The following GPR89A variants were observed in gnomAD, a reference collection of about 807,000 sequenced individuals.
GPR89A encodes the protein golgi pH regulator A.
A neutral mutation model predicts 52.0 loss-of-function variants in GPR89A; 16 were observed. The ratio of observed to expected loss-of-function variants is 0.31; its 90% confidence interval spans 0.21 to 0.47. The LOEUF (loss-of-function observed/expected upper bound fraction) is 0.47. GPR89A is among the 20% of genes least tolerant of loss of function. The pLI, the probability that GPR89A is intolerant of heterozygous loss-of-function variation, is 1.00. For missense variants in GPR89A, 135 were observed against 449.4 expected (o/e 0.30, Z 6.33); for synonymous variants, 55 against 150.9 (o/e 0.36, Z 4.66).
intron 10 of GPR89A, among the ~76,000 whole-genome samples, chr1:145,653,279 G>A (rs1553693923): frequency 6.7e-6 from 1 of 148,448 alleles, no homozygotes; most frequent in African/African-American, 2.5e-5. Flanking sequence ...ATGTAGTTGT[G>A]TAGTTTTGAG....
chr1:145,620,137 A>G (rs1649039322), intron 3 of GPR89A, among the ~76,000 whole-genome samples: 1 of 152,270 alleles, frequency 6.6e-6, no homozygotes, highest in South Asian at 2.1e-4. Context: ...TTATTATCAC[A>G]ACCTGCATCT....
At chr1:145,612,971 TC>T (rs1179933198) in intron 1 of GPR89A, among the ~76,000 whole-genome samples, 2 of 152,076 alleles carry the variant, frequency 1.3e-5, no homozygotes, top group African/African-American at 4.8e-5. Context: ...GTTTTCCTTA[TC>T]CTCTAGTGTT....
At chr1:145,650,111 G>A (rs1399102046) in intron 10 of GPR89A, among the ~76,000 whole-genome samples, 2 of 152,072 alleles carry the variant, frequency 1.3e-5, no homozygotes, top group Non-Finnish European at 2.9e-5. Context: ...GCATCCATTA[G>A]CTATTTTCCC....
intron 11 of GPR89A, among the ~76,000 whole-genome samples, chr1:145,664,222 C>G (rs1186569965): frequency 2.0e-5 from 3 of 152,076 alleles, no homozygotes; most frequent in Non-Finnish European, 4.4e-5. Context: ...TGAAAATGAA[C>G]GAGAGCAAAT....
chr1:145,665,940 A>G (rs2624776), intron 12 of GPR89A, among the ~76,000 whole-genome samples: 1 of 152,006 alleles, frequency 6.6e-6, no homozygotes, highest in Non-Finnish European at 1.5e-5. Context: ...ATTGCAGTGA[A>G]CCAAGGTCAC....
intron 10 of GPR89A, among the ~76,000 whole-genome samples, chr1:145,654,336 G>A (rs1429617490): frequency 2.6e-5 from 4 of 151,796 alleles, no homozygotes; most frequent in Admixed American, 6.6e-5. Context: ...GGCAGATCAC[G>A]AGGTCAGAAG....
chr1:145,646,711 A>C (rs1212173597), intron 9 of GPR89A: 1 of 221,872 alleles, frequency 4.5e-6, no homozygotes, highest in African/African-American at 2.3e-5. Flanking sequence ...GTACACCTAA[A>C]ATAAAATATA....
At chr1:145,609,157 G>C (rs1337332231) in intron 1 of GPR89A, among the ~76,000 whole-genome samples, 2 of 152,162 alleles carry the variant, frequency 1.3e-5, no homozygotes, top group African/African-American at 4.8e-5. Context: ...GTGTGTGGTT[G>C]TTTTTACTTG....
intron 10 of GPR89A, among the ~76,000 whole-genome samples, 174 bp from the exon 11 acceptor site, chr1:145,663,155 A>T (rs1230813697): frequency 6.6e-6 from 1 of 152,068 alleles, no homozygotes; most frequent in Non-Finnish European, 1.5e-5. Flanking sequence ...TTGCCTATAT[A>T]TGAGTATCCA....
intron 1 of GPR89A, among the ~76,000 whole-genome samples, chr1:145,611,888 T>C (rs587746150): frequency 3.9e-5 from 6 of 151,990 alleles, no homozygotes; most frequent in African/African-American, 1.2e-4. Context: ...ACCCTTTCCT[T>C]TTCTGCTTGA....
intron 7 of GPR89A, among the ~76,000 whole-genome samples, chr1:145,632,060 G>A (rs1187580689): frequency 2.3e-5 from 3 of 132,026 alleles, no homozygotes; most frequent in Non-Finnish European, 3.2e-5. Context: ...TTGTGTGAAA[G>A]AAAATTCAAT....
chr1:145,655,940 C>G (rs1180157229), intron 10 of GPR89A, among the ~76,000 whole-genome samples: 2 of 151,584 alleles, frequency 1.3e-5, no homozygotes, highest in Non-Finnish European at 2.9e-5. Flanking sequence ...CCCAGGGGCT[C>G]CTTCCCAGGG....
At chr1:145,628,647 A>C (rs1553689343) in intron 5 of GPR89A, among the ~76,000 whole-genome samples, 1 of 152,092 alleles carries the variant, frequency 6.6e-6, no homozygotes, top group Non-Finnish European at 1.5e-5. Context: ...GGTTAAATGA[A>C]TTAGAACATG....
At chr1:145,608,925 T>C (rs1648043269) in intron 1 of GPR89A, among the ~76,000 whole-genome samples, 1 of 151,650 alleles carries the variant, frequency 6.6e-6, no homozygotes, top group Non-Finnish European at 1.5e-5. Context: ...GCTTTTACCA[T>C]GTAATCTATT....
intron 1 of GPR89A, among the ~76,000 whole-genome samples, chr1:145,614,888 G>C (rs1648553609): frequency 1.3e-5 from 2 of 151,972 alleles, no homozygotes; most frequent in African/African-American, 4.8e-5. Flanking sequence ...AGAAGTTCCA[G>C]GGGGCTGAAC....
At chr1:145,636,942 A>G (rs1650283125) in intron 7 of GPR89A, among the ~76,000 whole-genome samples, 1 of 152,178 alleles carries the variant, frequency 6.6e-6, no homozygotes, top group South Asian at 2.1e-4. Flanking sequence ...TAAAGGGGAA[A>G]TTTTGGAAAT....
At chr1:145,643,468 G>A (rs1288089207) in intron 7 of GPR89A, among the ~76,000 whole-genome samples, 6 of 151,976 alleles carry the variant, frequency 3.9e-5, no homozygotes, top group African/African-American at 1.4e-4. Flanking sequence ...ACCCAGCCAG[G>A]TATGTTAGCT....
In GPR89A at chr1:145,665,468, C is replaced by T. The variant is rs1355683920; in HGVS notation, c.1006-94C>T. ...ATCAGGTAGGGTCTAATAAAGCTCC[C>T]TCTCACAGTCATGTAAATGATCGGG... is the stretch of plus-strand genomic sequence containing the variant. On this transcript the variant is annotated intron_variant, in intron 11 of 13. Transcript: ENST00000313835. 4.5e-6 allele frequency: 7 copies of T among 1,557,032 alleles called. No individual in the cohort carries two copies. In the Admixed American group the frequency reaches 5.0e-5, roughly 11 times the overall value.
intron 10 of GPR89A, among the ~76,000 whole-genome samples, chr1:145,656,130 G>T (rs1361552332): frequency 2.0e-5 from 3 of 152,116 alleles, no homozygotes; most frequent in Non-Finnish European, 4.4e-5. Flanking sequence ...TATTCTCCCC[G>T]GCACTGGCAG....
Sources: allele counts gnomAD v4.1 joint callset (sites outside exome capture counted in the v4.1 genomes callset), GRCh38; gene constraint gnomAD v4.1.1; transcripts MANE v1.5; gene names NCBI Gene and HGNC (gene_info 2026-07-23, HGNC 2026-07-21).